Variants in PTPDC1 observed in about 807,000 individuals in gnomAD.
The protein encoded by PTPDC1 is protein tyrosine phosphatase domain containing 1, also known as protein tyrosine phosphatase domain-containing protein 1.
A neutral mutation model predicts 75.3 loss-of-function variants in PTPDC1; 53 were observed. The ratio of observed to expected loss-of-function variants is 0.70; its 90% confidence interval spans 0.56 to 0.88. The LOEUF (loss-of-function observed/expected upper bound fraction) is 0.88, where lower values mean the gene tolerates loss of function less well. PTPDC1 is among the 40% of genes least tolerant of loss of function. PTPDC1 has a pLI of 0.00. For missense variants in PTPDC1, 925 were observed against 998.6 expected (o/e 0.93, Z 0.99); for synonymous variants, 349 against 366.2 (o/e 0.95, Z 0.54).
intron 2 of PTPDC1, chr9:94,064,937 T>C: frequency 1.4e-6 from 1 of 734,726 alleles, no homozygotes; most frequent in Non-Finnish European, 2.2e-6. Flanking sequence ...AATCCCAGGT[T>C]GCAAGTATTA....
chr9:94,039,373 T>C (rs1276954998), intron 1 of PTPDC1, among the ~76,000 whole-genome samples: 2 of 152,140 alleles, frequency 1.3e-5, no homozygotes, highest in African/African-American at 4.8e-5. Context: ...AGGAATGTGT[T>C]TTAAAATGTA....
At chr9:94,068,393 A>G (rs1826391991) in intron 2 of PTPDC1, among the ~76,000 whole-genome samples, 1 of 152,086 alleles carries the variant, frequency 6.6e-6, no homozygotes, top group Admixed American at 6.6e-5. Context: ...TTAAGATTAT[A>G]GACAATTTTT....
exon 1 of PTPDC1, chr9:94,030,861 C>G (rs1278688893): frequency 2.0e-5 from 3 of 152,166 alleles, no homozygotes; most frequent in Non-Finnish European, 4.4e-5. Flanking sequence ...CGGGGAGCAG[C>G]CCAGGCGCTC....
At chr9:94,036,032 T>TG (rs1825255880) in intron 1 of PTPDC1, among the ~76,000 whole-genome samples, 1 of 145,178 alleles carries the variant, frequency 6.9e-6, no homozygotes, top group African/African-American at 2.6e-5. Flanking sequence ...TGTTTTTTTT[T>TG]TTGTTTTTTT....
Position 94,108,482 on chromosome 9 carries a change from GT to G in PTPDC1, c.*543del, listed in dbSNP as rs1828099963. ...TTCTTTTTTAACTTTGAAATTTTTT[GT>G]TTTTCCTTTTCTTTTTATAAATGTA... On this transcript the variant is annotated 3_prime_UTR_variant, in exon 9 of 9. Transcript: ENST00000620992. 6.6e-6 allele frequency: 1 copy of G among 152,516 alleles called. No homozygotes were observed. Among genetic ancestry groups the G allele is most frequent in the African/African-American group, 2.4e-5 (1 of 41,432 alleles). 9.4% of individuals were successfully genotyped at this position (152,516 alleles called of 1,614,324 possible). A position where few individuals can be genotyped will look rare whatever the true frequency, so the allele number is the denominator to read the frequency against.
chr9:94,102,991 TACAC>T (rs10624415), intron 7 of PTPDC1, among the ~76,000 whole-genome samples: 45 of 148,948 alleles, frequency 3.0e-4, no homozygotes, highest in South Asian at 6.5e-4. Flanking sequence ...CTGCTGTTAC[TACAC>T]ACACACACAC....
chr9:94,043,611 C>T (rs1186937947), intron 1 of PTPDC1, among the ~76,000 whole-genome samples: 1 of 152,068 alleles, frequency 6.6e-6, no homozygotes, highest in African/African-American at 2.4e-5. Context: ...GTCCCAGCTA[C>T]TTAGGAGGCT....
chr9:94,095,284 T>A (rs746609793), intron 4 of PTPDC1, 33 bp from the exon 5 acceptor site: 16 of 1,550,146 alleles, frequency 1.0e-5, no homozygotes, highest in Admixed American at 3.5e-5. Context: ...ATTTCCTGTA[T>A]GTTGATTTTC....
chr9:94,037,055 C>T (rs1163610509), intron 1 of PTPDC1, among the ~76,000 whole-genome samples: 1 of 152,144 alleles, frequency 6.6e-6, no homozygotes, highest in Non-Finnish European at 1.5e-5. Flanking sequence ...ATTTTATATG[C>T]TTAAGAAGAT....
chr9:94,085,331 T>G lies in PTPDC1; in HGVS notation c.325T>G (p.Ser109Ala). 1 of 1,614,204 alleles carries G rather than the reference T, an allele frequency of 6.2e-7. No homozygotes were observed. Among genetic ancestry groups the G allele is most frequent in the Non-Finnish European group, 8.5e-7 (1 of 1,180,026 alleles). Residue 109 changes from serine (S) to alanine (A), a missense_variant, in exon 2 of 9, where the codon TCC (serine) becomes GCC (alanine). Ser to Ala is a moderately conservative substitution (Grantham distance 99, BLOSUM62 1). Transcript: ENST00000620992. ...RHVIPGHMAC[S>A]MACGGRACKY... ...TGTCATTCCTGGACACATGGCATGT[T>G]CCATGGCGTGTGGCGGTAGAGCTTG...
intron 1 of PTPDC1, among the ~76,000 whole-genome samples, chr9:94,055,859 AG>A (rs1825916824): frequency 6.6e-6 from 1 of 152,332 alleles, no homozygotes; most frequent in Non-Finnish European, 1.5e-5. Context: ...ATGATACTAT[AG>A]TAAGTATCAT....
At chr9:94,096,175 A>T (rs576108574) in intron 5 of PTPDC1, among the ~76,000 whole-genome samples, 1 of 152,334 alleles carries the variant, frequency 6.6e-6, no homozygotes, top group Admixed American at 6.5e-5. Context: ...TTGTCATCTG[A>T]TCCAACCACA....
intron 1 of PTPDC1, among the ~76,000 whole-genome samples, chr9:94,062,724 TC>T (rs1441914620): frequency 3.9e-5 from 6 of 152,096 alleles, no homozygotes; most frequent in African/African-American, 4.8e-5. Flanking sequence ...GAAGGATCCA[TC>T]CTTATGATCC....
rs1309400823 is a variant in PTPDC1, at chr9:94,098,342, C to T, written c.1776C>T (p.Val592=). The T allele has an allele frequency of 1.9e-6, 3 of 1,614,202 alleles. 1 individual carries two copies. The South Asian group carries it at 3.3e-5, about 18-fold the overall frequency. The change falls in exon 6 of 9, where the codon GTC becomes GTT. Residue 592 remains valine (V), a synonymous_variant. Transcript: ENST00000620992. ...ATGGTGTTGGGAGCCCTGGCTCTGT[C>T]AGGCAGAACAGCAGGACACCCCGAA... is the stretch of plus-strand genomic sequence containing the variant. ...KTHGVGSPGS[V]RQNSRTPRSP...
At chr9:94,065,324 T>G (rs1483564959) in intron 2 of PTPDC1, among the ~76,000 whole-genome samples, 1 of 152,236 alleles carries the variant, frequency 6.6e-6, no homozygotes, top group Non-Finnish European at 1.5e-5. Context: ...GCTGGGAGCC[T>G]CCCTGCTTCT....
intron 1 of PTPDC1, among the ~76,000 whole-genome samples, chr9:94,036,773 G>T (rs1339352464): frequency 6.6e-6 from 1 of 152,174 alleles, no homozygotes; most frequent in Non-Finnish European, 1.5e-5. Flanking sequence ...GTGGAGAATG[G>T]TTAGAAGACT....
chr9:94,096,016 G>A (rs1324186024), intron 5 of PTPDC1, among the ~76,000 whole-genome samples: 2 of 152,160 alleles, frequency 1.3e-5, no homozygotes, highest in Non-Finnish European at 1.5e-5. Flanking sequence ...TCCATTTTTG[G>A]AGGTATAAGG....
At chr9:94,043,516 G>A (rs1825494079) in intron 1 of PTPDC1, among the ~76,000 whole-genome samples, 1 of 151,972 alleles carries the variant, frequency 6.6e-6, no homozygotes, top group South Asian at 2.1e-4. Flanking sequence ...CTTCCTCTTT[G>A]CTCCACACCT....
intron 6 of PTPDC1, among the ~76,000 whole-genome samples, chr9:94,099,096 G>A (rs1254256863): frequency 6.6e-6 from 1 of 152,240 alleles, no homozygotes; most frequent in Non-Finnish European, 1.5e-5. Context: ...GCAACTATGG[G>A]AAATCAGGAG....
Sources: allele counts gnomAD v4.1 joint callset (sites outside exome capture counted in the v4.1 genomes callset), GRCh38; gene constraint gnomAD v4.1.1; transcripts MANE v1.5; gene names NCBI Gene and HGNC (gene_info 2026-07-23, HGNC 2026-07-21).